PLEKHA7: variants seen among roughly 807,000 people sequenced by gnomAD.
The protein encoded by PLEKHA7 is pleckstrin homology domain containing A7.
Under a neutral mutation model 170.0 loss-of-function variants are expected in PLEKHA7, and 104 were observed. That is an observed-to-expected ratio of 0.61 (90% CI 0.52 to 0.72). The LOEUF is 0.72. PLEKHA7 is among the 30% of genes least tolerant of loss of function. The probability of loss-of-function intolerance (pLI) is 0.00; values close to 1 mark genes in which losing one functional copy is unlikely to be tolerated. For synonymous variants in PLEKHA7, 648 were observed against 660.8 expected (o/e 0.98, Z 0.30); for missense variants, 1,615 against 1,671.7 (o/e 0.97, Z 0.59).
chr11:17,014,241 C>G, intron 1 of PLEKHA7, 40 bp from the exon 2 acceptor site: 1 of 1,423,248 alleles, frequency 7.0e-7, no homozygotes, highest in Non-Finnish European at 9.1e-7. Context: ...CCGCCACAGC[C>G]CGCCGGGTGC....
chr11:16,880,190 C>G, intron 3 of PLEKHA7, among the ~76,000 whole-genome samples: 1 of 152,154 alleles, frequency 6.6e-6, no homozygotes, highest in East Asian at 1.9e-4. Context: ...GCCTCAGTTT[C>G]CTCATCTGTA....
At chr11:16,821,647 A>C (rs1850222470) in intron 10 of PLEKHA7, among the ~76,000 whole-genome samples, 1 of 152,244 alleles carries the variant, frequency 6.6e-6, no homozygotes, top group Non-Finnish European at 1.5e-5. Context: ...TCAAATGGAA[A>C]ATGGAGGAGT....
At chr11:16,927,183 CAAAAT>C (rs1247553610) in intron 3 of PLEKHA7, among the ~76,000 whole-genome samples, 27 of 152,156 alleles carry the variant, frequency 1.8e-4, no homozygotes, top group Non-Finnish European at 3.4e-4. Context: ...TGTCTCAAAA[CAAAAT>C]AAAAATAAAA....
intron 3 of PLEKHA7, among the ~76,000 whole-genome samples, chr11:16,910,689 T>TA (rs1466415608): frequency 1.3e-5 from 2 of 151,942 alleles, no homozygotes; most frequent in African/African-American, 4.8e-5. Context: ...ATCCAGGGGG[T>TA]AAAATCCAGG....
chr11:16,978,602 T>C lies in PLEKHA7; in HGVS notation c.221+35387A>G, dbSNP rs556417806. ...TCTGCAGCATCATTTAATAGTTGGA[T>C]GGTACCGAAATTTCATTAACCAGTT... is the stretch of plus-strand genomic sequence containing the variant. On this transcript the variant is annotated intron_variant, in intron 3 of 26. Transcript: ENST00000531066. Among the ~76,000 whole-genome samples the C allele has an allele frequency of 5.3e-5, 8 of 152,348 alleles. 1 individual carries two copies. The South Asian group carries it at 1.5e-3, about 28-fold the overall frequency.
chr11:16,886,938 T>C (rs913472303), intron 3 of PLEKHA7, among the ~76,000 whole-genome samples: 3 of 152,164 alleles, frequency 2.0e-5, no homozygotes, highest in Non-Finnish European at 2.9e-5. Context: ...AGTTTCTATA[T>C]ATCCTGCCAA....
At chr11:16,995,695 C>T (rs1864299511) in intron 3 of PLEKHA7, among the ~76,000 whole-genome samples, 2 of 152,138 alleles carry the variant, frequency 1.3e-5, no homozygotes, top group Admixed American at 6.5e-5. Flanking sequence ...AATCTGACCT[C>T]CCCTCTCCAG....
chr11:16,800,815 G>C (rs1848544093), intron 17 of PLEKHA7, among the ~76,000 whole-genome samples, 159 bp downstream of exon 17: 1 of 152,196 alleles, frequency 6.6e-6, no homozygotes, highest in Non-Finnish European at 1.5e-5. Flanking sequence ...TCAAGGGAGA[G>C]CTTGGGGTGG....
intron 3 of PLEKHA7, among the ~76,000 whole-genome samples, chr11:16,955,820 G>T (rs1404554193): frequency 6.6e-6 from 1 of 152,128 alleles, no homozygotes; most frequent in Non-Finnish European, 1.5e-5. Flanking sequence ...AACCACCGAA[G>T]GGATCTAAAA....
At chr11:16,898,130 A>G in intron 3 of PLEKHA7, among the ~76,000 whole-genome samples, 1 of 152,092 alleles carries the variant, frequency 6.6e-6, no homozygotes, top group East Asian at 1.9e-4. Flanking sequence ...CTTTCCATGA[A>G]GTCACATGAT....
chr11:16,938,514 T>G (rs7952546), intron 3 of PLEKHA7, among the ~76,000 whole-genome samples: 151,323 of 151,416 alleles, frequency 1, 75,615 homozygotes, highest in Middle Eastern at 1. Flanking sequence ...TTTCAATTTT[T>G]CTCTTTTAAT....
At chr11:16,897,298 C>T (rs1327575648) in intron 3 of PLEKHA7, among the ~76,000 whole-genome samples, 3 of 152,154 alleles carry the variant, frequency 2.0e-5, no homozygotes, top group Admixed American at 2.0e-4. Context: ...CAGGTGGGGG[C>T]GAGAGACGTC....
chr11:17,014,097 G>C (rs1394641859), intron 2 of PLEKHA7, 28 bp downstream of exon 2: 3 of 1,586,578 alleles, frequency 1.9e-6, no homozygotes, highest in African/African-American at 2.7e-5. Flanking sequence ...CGCTGCGCGC[G>C]CCCCCCACCC....
intron 3 of PLEKHA7, among the ~76,000 whole-genome samples, chr11:16,922,192 T>C (rs1859148686): frequency 6.6e-6 from 1 of 152,204 alleles, no homozygotes; most frequent in African/African-American, 2.4e-5. Flanking sequence ...ATTTTCTACA[T>C]TTAAAAAACA....
chr11:16,984,524 C>CA (rs1394149755), intron 3 of PLEKHA7, among the ~76,000 whole-genome samples: 1 of 152,130 alleles, frequency 6.6e-6, no homozygotes, highest in East Asian at 1.9e-4. Flanking sequence ...GTTTCCTCGT[C>CA]ATGGCATGTC....
At position 16,777,767 on chromosome 11, in the gene PLEKHA7, G is replaced by A. The variant is rs1848769617; in HGVS notation, c.*1231C>T. 6.6e-6 allele frequency: 1 copy of A among 152,220 alleles called. No individual in the cohort carries two copies. The allele number at this position is 152,220 out of a possible 1,614,324, so 9.4% of individuals were successfully genotyped here. On this transcript the variant is annotated 3_prime_UTR_variant, in exon 27 of 27. Coordinates refer to ENST00000531066, the MANE Select transcript of PLEKHA7 (RefSeq NM_001329630.2). ...CTGGCGGCAGGCCATGAGGGATGGT[G>A]GGGGCACACTGCTGCCCTCCTGCCA...
At chr11:16,885,503 A>AAAT (rs1554962646) in intron 3 of PLEKHA7, among the ~76,000 whole-genome samples, 2 of 151,138 alleles carry the variant, frequency 1.3e-5, no homozygotes, top group African/African-American at 4.9e-5. Flanking sequence ...TACTAAAAAA[A>AAAT]ATATATATAT....
chr11:16,829,798 C>G (rs950575697), intron 9 of PLEKHA7, among the ~76,000 whole-genome samples: 1 of 151,976 alleles, frequency 6.6e-6, no homozygotes, highest in Non-Finnish European at 1.5e-5. Flanking sequence ...TAATTCTTAC[C>G]GTAAGTTTAT....
At chr11:16,785,792 C>T (rs924171370) in intron 24 of PLEKHA7, among the ~76,000 whole-genome samples, 1 of 152,104 alleles carries the variant, frequency 6.6e-6, no homozygotes, top group African/African-American at 2.4e-5. Context: ...CAAACCTGCC[C>T]CCCATTTTCC....
Sources: gnomAD v4.1 joint callset for allele counts (sites outside exome capture counted in the v4.1 genomes callset) on GRCh38, gnomAD v4.1.1 for gene constraint, MANE v1.5 for transcripts, NCBI Gene and HGNC (gene_info 2026-07-23, HGNC 2026-07-21) for gene names.